FOXO1: variants seen among roughly 807,000 people sequenced by gnomAD.
The protein encoded by FOXO1 is forkhead box protein O1.
FOXO1 carries 6 observed loss-of-function variants against 44.1 expected under a neutral mutation model. That is an observed-to-expected ratio of 0.14 (90% CI 0.07 to 0.27). The LOEUF (loss-of-function observed/expected upper bound fraction) is 0.27, where lower values mean the gene tolerates loss of function less well. Ranked by LOEUF, FOXO1 falls within the 10% of genes least tolerant of loss-of-function variation. The pLI is 1.00. For missense variants in FOXO1, 737 were observed against 888.8 expected, an observed-to-expected ratio of 0.83 and a Z score of 2.17; for synonymous variants, 380 against 362.7, an observed-to-expected ratio of 1.05 and a Z score of -0.54.
chr13:40,639,821 GT>G (rs1272931346), intron 1 of FOXO1, among the ~76,000 whole-genome samples: 3 of 152,120 alleles, frequency 2.0e-5, no homozygotes, highest in African/African-American at 4.8e-5. Flanking sequence ...CTAATTAGAA[GT>G]TTTTTCCTTT....
At chr13:40,664,481 G>A (rs1433931905) in intron 1 of FOXO1, among the ~76,000 whole-genome samples, 3 of 152,020 alleles carry the variant, frequency 2.0e-5, no homozygotes, top group African/African-American at 4.8e-5. Context: ...GCCACGCTCT[G>A]AAAGGCAAAA....
intron 2 of FOXO1, among the ~76,000 whole-genome samples, chr13:40,559,243 T>A (rs1873881226): frequency 6.6e-6 from 1 of 152,216 alleles, no homozygotes; most frequent in African/African-American, 2.4e-5. Context: ...ATCAAATGTA[T>A]TCATTTATTG....
chr13:40,631,575 G>A (rs1357109251), intron 1 of FOXO1, among the ~76,000 whole-genome samples: 1 of 152,178 alleles, frequency 6.6e-6, no homozygotes, highest in Non-Finnish European at 1.5e-5. Flanking sequence ...GGGATGAATG[G>A]ATAAACAAAA....
Position 40,666,639 on chromosome 13 carries a change from A to T in FOXO1, c.-427T>A, listed in dbSNP as rs1251409610. The T allele has an allele frequency of 5.8e-6, 1 of 171,554 alleles. No individual in the cohort carries two copies. Among genetic ancestry groups the T allele is most frequent in the Non-Finnish European group, 1.3e-5 (1 of 79,930 alleles). The allele number at this position is 171,554 out of a possible 1,614,324, so 10.6% of individuals were successfully genotyped here. On this transcript the variant is annotated 5_prime_UTR_variant, in exon 1 of 3. Coordinates refer to ENST00000379561, the MANE Select transcript of FOXO1 (RefSeq NM_002015.4). ...ACTACCAGGCCGCCCGACTTACGGGATCTGCCGCCGCCCCCCGCCCGCGGC... is the reference window on the plus strand; with the variant it reads ...ACTACCAGGCCGCCCGACTTACGGGTTCTGCCGCCGCCCCCCGCCCGCGGC...
intron 1 of FOXO1, among the ~76,000 whole-genome samples, chr13:40,608,433 C>T (rs1876102119): frequency 6.6e-6 from 1 of 152,220 alleles, no homozygotes; most frequent in Non-Finnish European, 1.5e-5. Context: ...GAGTAGGCTG[C>T]TGCAGGGAAT....
At chr13:40,630,456 C>T (rs544233624) in intron 1 of FOXO1, among the ~76,000 whole-genome samples, 1 of 152,182 alleles carries the variant, frequency 6.6e-6, no homozygotes, top group African/African-American at 2.4e-5. Context: ...GAGTTGAAGA[C>T]CAGCCTGGCC....
intron 1 of FOXO1, among the ~76,000 whole-genome samples, chr13:40,628,933 T>C (rs1384228964): frequency 1.3e-5 from 2 of 152,146 alleles, no homozygotes; most frequent in African/African-American, 4.8e-5. Flanking sequence ...TGTATATTTT[T>C]ACAAGTGCAT....
chr13:40,640,501 T>TC (rs994823034), intron 1 of FOXO1, among the ~76,000 whole-genome samples: 7 of 152,288 alleles, frequency 4.6e-5, no homozygotes, highest in African/African-American at 1.4e-4. Context: ...GGCTTTAGCA[T>TC]CCCCCAAGCC....
At position 40,558,814 on chromosome 13, in the gene FOXO1, A is replaced by C. The variant is rs1161739424; in HGVS notation, c.*235T>G. 3 of 398,918 alleles carry C rather than the reference A, an allele frequency of 7.5e-6. No individual in the cohort carries two copies. Among genetic ancestry groups the C allele is most frequent in the Non-Finnish European group, 1.3e-5 (3 of 226,050 alleles). 24.7% of individuals were successfully genotyped at this position (398,918 alleles called of 1,614,324 possible). A position where few individuals can be genotyped will look rare whatever the true frequency, so the allele number is the denominator to read the frequency against. On this transcript the variant is annotated 3_prime_UTR_variant, in exon 3 of 3. Coordinates refer to ENST00000379561, the MANE Select transcript of FOXO1 (RefSeq NM_002015.4). ...ATTGTAATGAAATTTCCAATGGCACAGTCCTTATCTACAGCAGCACATAAC... is the reference window on the plus strand; with the variant it reads ...ATTGTAATGAAATTTCCAATGGCACCGTCCTTATCTACAGCAGCACATAAC...
intron 1 of FOXO1, among the ~76,000 whole-genome samples, chr13:40,564,945 G>GAGTCAGGGAACCCCGACATGGTGT (rs1566062500): frequency 6.7e-6 from 1 of 148,512 alleles, no homozygotes; most frequent in African/African-American, 2.5e-5. Context: ...ACAGATGGGG[G>GAGTCAGGGAACCCCGACATGGTGT]AGTCGGGGAA....
chr13:40,572,034 A>G (rs1348492345), intron 1 of FOXO1, among the ~76,000 whole-genome samples: 2 of 152,238 alleles, frequency 1.3e-5, no homozygotes. Flanking sequence ...TTTTGTCAGC[A>G]TTACATTGAT....
intron 1 of FOXO1, chr13:40,611,206 T>C (rs1876216408): frequency 6.3e-6 from 2 of 318,978 alleles, no homozygotes; most frequent in South Asian, 4.8e-5. Context: ...ACAAGTTCTA[T>C]GTGACCTCAC....
At chr13:40,573,892 T>C (rs1874640783) in intron 1 of FOXO1, among the ~76,000 whole-genome samples, 1 of 152,232 alleles carries the variant, frequency 6.6e-6, no homozygotes, top group Non-Finnish European at 1.5e-5. Flanking sequence ...GAATGAATGA[T>C]TAAATGAACC....
At chr13:40,600,447 G>T (rs1875775592) in intron 1 of FOXO1, among the ~76,000 whole-genome samples, 1 of 152,164 alleles carries the variant, frequency 6.6e-6, no homozygotes, top group Non-Finnish European at 1.5e-5. Flanking sequence ...GAAGAGCGTA[G>T]GAGTATGATA....
rs143352454 is a variant in FOXO1, at chr13:40,567,936, C to T, written c.631-7076G>A. Among the ~76,000 whole-genome samples, 955 of 151,928 alleles carry T rather than the reference C, an allele frequency of 6.3e-3. 11 individuals are homozygous for T. Among genetic ancestry groups the T allele is most frequent in the African/African-American group, 0.022 (917 of 41,400 alleles). On this transcript the variant is annotated intron_variant, in intron 1 of 2. Coordinates refer to ENST00000379561, the MANE Select transcript of FOXO1 (RefSeq NM_002015.4). ...TGAGCCGAGATCGCACCACTGCACTCTAGACTGGGCAACAGAGCAAGACTC... is the reference window on the plus strand; with the variant it reads ...TGAGCCGAGATCGCACCACTGCACTTTAGACTGGGCAACAGAGCAAGACTC...
Position 40,560,737 on chromosome 13 carries a change from T to C in FOXO1, c.754A>G (p.Arg252Gly). 6.2e-7 allele frequency: 1 copy of C among 1,614,206 alleles called. No individual in the cohort carries two copies. Among genetic ancestry groups the C allele is most frequent in the Non-Finnish European group, 8.5e-7 (1 of 1,180,028 alleles). ...TTGTTGTCCATGGATGCAGCTCTTC[T>C]CCTAGGAGATTTCCCGCTCTTGCCA... ...EGGKSGKSPR[R>G]RAASMDNNSK... is the part of the protein sequence containing the mutation. Residue 252 changes from arginine (R) to glycine (G), a missense_variant, in exon 2 of 3, where the codon AGA (arginine) becomes GGA (glycine). Arg to Gly is a moderately radical substitution (Grantham distance 125). Transcript: ENST00000379561. This position sits in a 1 kb window ranked among gnomAD's most constrained non-coding sequence, Gnocchi z 5.1.
chr13:40,562,555 C>T (rs1031541929), intron 1 of FOXO1: 2 of 152,210 alleles, frequency 1.3e-5, no homozygotes, highest in Non-Finnish European at 2.9e-5. Context: ...CGGTGCCTGG[C>T]ATGTAAGCAG....
chr13:40,573,237 C>T (rs907826999), intron 1 of FOXO1, among the ~76,000 whole-genome samples: 2 of 152,230 alleles, frequency 1.3e-5, no homozygotes, highest in Non-Finnish European at 1.5e-5. Context: ...TTCACCACTG[C>T]GCAGTCACTG....
chr13:40,638,390 A>G (rs1226346729), intron 1 of FOXO1, among the ~76,000 whole-genome samples: 1 of 148,298 alleles, frequency 6.7e-6, no homozygotes, highest in Non-Finnish European at 1.5e-5. Flanking sequence ...CTTCTCCAAC[A>G]AAAAAAAAAG....
Sources: allele counts gnomAD v4.1 joint callset (sites outside exome capture counted in the v4.1 genomes callset), GRCh38; gene constraint gnomAD v4.1.1; non-coding constraint Gnocchi (gnomAD v3.1); transcripts MANE v1.5; gene names NCBI Gene and HGNC (gene_info 2026-07-23, HGNC 2026-07-21).